The following QSER1 variants were observed in gnomAD, a reference collection of about 807,000 sequenced individuals.
The protein encoded by QSER1 is glutamine and serine-rich protein 1.
Under a neutral mutation model 158.5 loss-of-function variants are expected in QSER1, and 49 were observed. That is an observed-to-expected ratio of 0.31 (90% CI 0.25 to 0.39). The LOEUF (loss-of-function observed/expected upper bound fraction) is 0.39. Ranked by LOEUF, QSER1 falls within the 10% of genes least tolerant of loss-of-function variation. The pLI, the probability that QSER1 is intolerant of heterozygous loss-of-function variation, is 1.00. For missense variants in QSER1, 1,754 were observed against 2,010.3 expected (o/e 0.87, Z 2.44); for synonymous variants, 650 against 715.5 (o/e 0.91, Z 1.46).
chr11:32,927,933 T>G, intron 2 of QSER1, 29 bp from the exon 3 acceptor site: 1 of 567,394 alleles, frequency 1.8e-6, no homozygotes, highest in Non-Finnish European at 3.0e-6. Flanking sequence ...TTTTTTTTAC[T>G]TTGGGATATA....
chr11:32,954,277 A>AT (rs1852475155), intron 5 of QSER1, 98 bp downstream of exon 5: 1 of 1,396,228 alleles, frequency 7.2e-7, no homozygotes, highest in African/African-American at 1.5e-5. Flanking sequence ...ACTTTGAATT[A>AT]TGGGAAGTTT....
intron 1 of QSER1, among the ~76,000 whole-genome samples, chr11:32,922,479 ATTTTT>A (rs57185302): frequency 5.1e-5 from 5 of 97,140 alleles, no homozygotes; most frequent in Admixed American, 2.4e-4. Flanking sequence ...AGAATGGCTA[ATTTTT>A]TTTTTTTTTT....
At chr11:32,900,906 C>T (rs960630745) in intron 1 of QSER1, among the ~76,000 whole-genome samples, 10 of 152,210 alleles carry the variant, frequency 6.6e-5, no homozygotes, top group African/African-American at 1.7e-4. Context: ...CTCTTCAGAG[C>T]ATTCTCACTC....
chr11:32,901,335 T>G (rs1851622670), intron 1 of QSER1, among the ~76,000 whole-genome samples: 1 of 152,212 alleles, frequency 6.6e-6, no homozygotes, highest in Non-Finnish European at 1.5e-5. Context: ...AATGAATGAA[T>G]GAAATAACTG....
intron 1 of QSER1, among the ~76,000 whole-genome samples, chr11:32,896,536 C>T (rs935872043): frequency 1.3e-5 from 2 of 151,856 alleles, no homozygotes; most frequent in Admixed American, 6.6e-5. Flanking sequence ...GGGGCTTCAC[C>T]GCATTGGCCA....
intron 3 of QSER1, 61 bp downstream of exon 3, chr11:32,928,184 T>A: frequency 2.0e-6 from 2 of 999,850 alleles, no homozygotes; most frequent in Non-Finnish European, 3.2e-6. Flanking sequence ...CATATACATT[T>A]GATGGCCTTG....
At chr11:32,972,823 T>C (rs1350978772) in intron 10 of QSER1, among the ~76,000 whole-genome samples, 2 of 152,178 alleles carry the variant, frequency 1.3e-5, no homozygotes, top group African/African-American at 4.8e-5. Context: ...TAGGATCTTA[T>C]CTTACAAGTA....
At chr11:32,899,709 G>A (rs1851601354) in intron 1 of QSER1, among the ~76,000 whole-genome samples, 1 of 152,050 alleles carries the variant, frequency 6.6e-6, no homozygotes, top group Admixed American at 6.5e-5. Context: ...GATCTGGAGG[G>A]TGAGAGGGTA....
rs1314335650 is a variant in QSER1 at position 32,932,646 on chromosome 11, G to C, written c.1388G>C (p.Ser463Thr). ...ATTTATTCTACAGCGCAGCTACCAA[G>C]CCTTTTATCAGTTAGTCAGTCCCAA... ...AQIYSTAQLP[S>T]LLSVSQSQNY... The change falls in exon 4 of 13, where the codon AGC (serine) becomes ACC (threonine). Residue 463 changes from serine (S) to threonine (T), a missense_variant. Physicochemically the swap from Ser to Thr is moderately conservative, Grantham distance 58. Around this residue, in one of 2 missense-constraint regions of QSER1, gnomAD observed 1,707 missense variants for 1,919.6 expected, o/e 0.89. Transcript: ENST00000650167. 7 of 1,613,958 alleles carry C rather than the reference G, an allele frequency of 4.3e-6. No individual in the cohort carries two copies. The East Asian group carries it at 1.6e-4, about 36-fold the overall frequency.
chr11:32,895,640 G>T (rs1190429561), intron 1 of QSER1, among the ~76,000 whole-genome samples: 1 of 152,186 alleles, frequency 6.6e-6, no homozygotes, highest in Non-Finnish European at 1.5e-5. Context: ...TAGTTGTGAT[G>T]ATGTAATATG....
intron 1 of QSER1, among the ~76,000 whole-genome samples, chr11:32,908,996 C>T (rs1455133470): frequency 6.6e-6 from 1 of 152,132 alleles, no homozygotes; most frequent in Non-Finnish European, 1.5e-5. Flanking sequence ...CTCATCTCTA[C>T]TAAAAATATA....
At position 32,932,481 on chromosome 11, in the gene QSER1, A is replaced by G. The variant is rs939447648; in HGVS notation, c.1223A>G (p.Lys408Arg). The G allele has an allele frequency of 1.2e-6, 2 of 1,613,902 alleles. No individual in the cohort carries two copies. Among genetic ancestry groups the G allele is most frequent in the East Asian group, 4.5e-5 (2 of 44,878 alleles). Reference sequence around the variant, plus strand: ...TCAGGGTATCCTCCTTCTACTACAAAAATAAAAAGCTGTTCTACAGAACAA... The same window carrying G: ...TCAGGGTATCCTCCTTCTACTACAAGAATAAAAAGCTGTTCTACAGAACAA... ...PSSGYPPSTT[K>R]IKSCSTEQPL... The change falls in exon 4 of 13, where the codon AAA becomes AGA. Residue 408 changes from lysine (K) to arginine (R), a missense_variant. Lys to Arg is a conservative substitution (Grantham distance 26). Coordinates refer to ENST00000650167, the MANE Select transcript of QSER1 (RefSeq NM_001076786.3).
intron 1 of QSER1, among the ~76,000 whole-genome samples, chr11:32,925,201 T>C (rs1042524688): frequency 2.2e-4 from 33 of 152,226 alleles, no homozygotes; most frequent in African/African-American, 7.5e-4. Flanking sequence ...TGCAAGTCAA[T>C]GTCTTTTTGG....
At chr11:32,926,478 A>C (rs1851972909) in intron 1 of QSER1, among the ~76,000 whole-genome samples, 1 of 152,174 alleles carries the variant, frequency 6.6e-6, no homozygotes, top group Non-Finnish European at 1.5e-5. Context: ...AGGAAAATAA[A>C]TGTTACAAAA....
At chr11:32,901,701 A>G (rs910649175) in intron 1 of QSER1, among the ~76,000 whole-genome samples, 11 of 152,218 alleles carry the variant, frequency 7.2e-5, no homozygotes, top group African/African-American at 2.7e-4. Flanking sequence ...TGGGGAGCTC[A>G]CCAGAGTAAC....
intron 8 of QSER1, among the ~76,000 whole-genome samples, chr11:32,963,477 G>A (rs1852666333): frequency 6.6e-6 from 1 of 151,930 alleles, no homozygotes; most frequent in Non-Finnish European, 1.5e-5. Context: ...TCAGCCTCCC[G>A]AGTAGCTGGG....
Position 32,952,133 on chromosome 11 carries a change from C to T in QSER1, c.4178-1724C>T, listed in dbSNP as rs967822292. Among the ~76,000 whole-genome samples, 9 of 152,280 alleles carry T rather than the reference C, an allele frequency of 5.9e-5. 1 individual carries two copies. The highest frequency in any genetic ancestry group is 3.9e-4 in the Admixed American group (6 of 15,290). On this transcript the variant is annotated intron_variant, in intron 4 of 12. Coordinates refer to ENST00000650167, the MANE Select transcript of QSER1 (RefSeq NM_001076786.3). ...GGGATTACAGGCGTGAGCCACTGCGCCCAGGCCTTGGGATTTTCTATATAC... is the reference window on the plus strand; with the variant it reads ...GGGATTACAGGCGTGAGCCACTGCGTCCAGGCCTTGGGATTTTCTATATAC...
intron 7 of QSER1, 129 bp from the exon 8 acceptor site, chr11:32,957,740 C>T: frequency 1.3e-6 from 1 of 753,978 alleles, no homozygotes; most frequent in Non-Finnish European, 2.1e-6. Flanking sequence ...AGGACTTGGA[C>T]TGTATATTTT....
intron 1 of QSER1, among the ~76,000 whole-genome samples, chr11:32,908,217 TAGAAAA>T (rs796296291): frequency 9.9e-5 from 15 of 152,258 alleles, no homozygotes; most frequent in African/African-American, 3.4e-4. Context: ...TGATGACAAA[TAGAAAA>T]AGAAGATGAT....
Sources: allele counts gnomAD v4.1 joint callset (sites outside exome capture counted in the v4.1 genomes callset), GRCh38; gene constraint gnomAD v4.1.1; regional missense constraint gnomAD v4.1.1; transcripts MANE v1.5; gene names NCBI Gene and HGNC (gene_info 2026-07-23, HGNC 2026-07-21).